HAUS5: variants seen among roughly 807,000 people sequenced by gnomAD.
HAUS5 encodes HAUS augmin-like complex subunit 5.
A neutral mutation model predicts 94.1 loss-of-function variants in HAUS5; 67 were observed. The ratio of observed to expected loss-of-function variants is 0.71; its 90% CI spans 0.58 to 0.87. HAUS5 has a LOEUF of 0.87. Ranked by LOEUF, HAUS5 falls within the 40% of genes least tolerant of loss-of-function variation. The pLI is 0.00. For synonymous variants in HAUS5, 339 were observed against 355.4 expected, an observed-to-expected ratio of 0.95 and a Z score of 0.52; for missense variants, 739 against 825.6, an observed-to-expected ratio of 0.90 and a Z score of 1.29.
At chr19:35,613,450 T>C (rs2071912569) in intron 1 of HAUS5, among the ~76,000 whole-genome samples, 1 of 151,544 alleles carries the variant, frequency 6.6e-6, no homozygotes, top group East Asian at 1.9e-4. Context: ...CCGGGTGTAG[T>C]GGTGCCTGCC....
chr19:35,615,999 T>C lies in HAUS5; in HGVS notation c.485+613T>C, dbSNP rs549902494. Among the ~76,000 whole-genome samples the C allele has an allele frequency of 7.3e-4, 111 of 152,320 alleles. No individual in the cohort carries two copies. The Middle Eastern group carries it at 0.02, about 28-fold the overall frequency. On this transcript the variant is annotated intron_variant, in intron 6 of 18. Transcript: ENST00000203166. ...GCGATTTTACCCTGACACTGGTTCA[T>C]GCCCTGGCTTGGCCACTTAAAATTG... is the stretch of plus-strand genomic sequence containing the variant.
At chr19:35,622,114 G>A (rs1967217336) in intron 17 of HAUS5, among the ~76,000 whole-genome samples, 1 of 152,178 alleles carries the variant, frequency 6.6e-6, no homozygotes, top group Non-Finnish European at 1.5e-5. Context: ...TCAAATACCT[G>A]CTGAAGGGCT....
In HAUS5 at chr19:35,620,057, C is replaced by T. The variant is rs761265797; in HGVS notation, c.1452C>T (p.His484=). Residue 484 remains histidine (H), a synonymous_variant, in exon 16 of 19, where the codon CAC becomes CAT. Coordinates refer to ENST00000203166, the MANE Select transcript of HAUS5 (RefSeq NM_015302.2). ...PTVLPSIHQL[H]PASPRGSSFI... ...TCCTCCCATCCATCCACCAGCTGCA[C>T]CCCGCGTCCCCAAGGGGCTCCAGCT... The T allele has an allele frequency of 3.7e-6, 6 of 1,613,642 alleles. No individual in the cohort carries two copies. The South Asian group carries it at 5.5e-5, about 15-fold the overall frequency.
chr19:35,621,523 T>C (rs746158035), intron 17 of HAUS5, among the ~76,000 whole-genome samples: 4 of 152,148 alleles, frequency 2.6e-5, no homozygotes, highest in Non-Finnish European at 5.9e-5. Context: ...ATATTTCTTA[T>C]AATCATGGGC....
rs1160606084 is a variant in HAUS5, at chr19:35,622,971, C to G, written c.1880C>G (p.Ala627Gly). The G allele has an allele frequency of 6.2e-7, 1 of 1,611,088 alleles. No homozygotes were observed. The highest frequency in any genetic ancestry group is 8.5e-7 in the Non-Finnish European group (1 of 1,178,120). Reference sequence around the variant, plus strand: ...CTGCGCTGGGTTCAGGCCCAGGGGGCCCTGCAGAAGCTGTGCAGCTGAAGA... The same window carrying G: ...CTGCGCTGGGTTCAGGCCCAGGGGGGCCTGCAGAAGCTGTGCAGCTGAAGA... ...WRLRWVQAQG[A>G]LQKLCS The change falls in exon 19 of 19, where the codon GCC becomes GGC. Residue 627 changes from alanine (A) to glycine (G), a missense_variant. Ala to Gly is a moderately conservative substitution (Grantham distance 60). Coordinates refer to ENST00000203166, the MANE Select transcript of HAUS5 (RefSeq NM_015302.2).
At chr19:35,620,157 G>T (rs1209434683) in intron 16 of HAUS5, 34 bp downstream of exon 16, 1 of 1,611,344 alleles carries the variant, frequency 6.2e-7, no homozygotes, top group Admixed American at 1.7e-5. Context: ...TGTCTCCCCA[G>T]CCCCGCCCCA....
At chr19:35,616,655 T>A (rs1011616067) in intron 6 of HAUS5, among the ~76,000 whole-genome samples, 2 of 152,070 alleles carry the variant, frequency 1.3e-5, no homozygotes, top group Non-Finnish European at 2.9e-5. Context: ...GTAGCTGGGA[T>A]TATAGGCGCA....
Position 35,618,069 on chromosome 19 carries a change from A to T in HAUS5, c.697-2A>T. On this transcript the variant is annotated splice_acceptor_variant, in intron 9 of 18. Transcript: ENST00000203166. LOFTEE classifies it high-confidence loss of function. ...CCCTGACTTCACCCTCCCTCCCCCTAGACGCTGCTGACAAACCACCCCCCA... is the reference window on the plus strand; with the variant it reads ...CCCTGACTTCACCCTCCCTCCCCCTTGACGCTGCTGACAAACCACCCCCCA... The T allele has an allele frequency of 6.3e-7, 1 of 1,589,818 alleles. No individual in the cohort carries two copies.
At position 35,618,389 on chromosome 19, in the gene HAUS5, T is replaced by TCC; in HGVS notation, c.822-9_822-8dup. 5.0e-6 allele frequency: 8 copies of TCC among 1,602,572 alleles called. No individual in the cohort carries two copies. The highest frequency in any genetic ancestry group is 6.8e-6 in the Non-Finnish European group (8 of 1,171,876). On this transcript the variant is annotated splice_polypyrimidine_tract_variant and intron_variant, in intron 10 of 18. Coordinates refer to ENST00000203166, the MANE Select transcript of HAUS5 (RefSeq NM_015302.2). ...GCAGCACGGCTCCCTCAGCAGCTCT[T>TCC]CCCCCACCCCAGACCCCAGGCCCCG...
Position 35,622,582 on chromosome 19 carries a change from C to T in HAUS5, c.1652-19C>T. 2 of 1,611,654 alleles carry T rather than the reference C, an allele frequency of 1.2e-6. No homozygotes were observed. The highest frequency in any genetic ancestry group is 1.3e-5 in the African/African-American group (1 of 74,800). ...GAGCCAGAGGACTCAAAGCTGCCTCCTGGCTTTCTCACCCTCAGAGCTGCT... is the reference window on the plus strand; with the variant it reads ...GAGCCAGAGGACTCAAAGCTGCCTCTTGGCTTTCTCACCCTCAGAGCTGCT... On this transcript the variant is annotated intron_variant, in intron 17 of 18. Transcript: ENST00000203166.
At chr19:35,619,586 C>A in intron 14 of HAUS5, 27 bp from the exon 15 acceptor site, 6 of 1,361,542 alleles carry the variant, frequency 4.4e-6, no homozygotes, top group South Asian at 1.2e-5. Flanking sequence ...GTTGTGATGC[C>A]CCACCCACCC....
At chr19:35,613,609 C>A in intron 1 of HAUS5, 121 bp from the exon 2 acceptor site, 2 of 779,448 alleles carry the variant, frequency 2.6e-6, no homozygotes, top group Non-Finnish European at 4.1e-6. Context: ...AAAGTTTGGG[C>A]CTTCCCTCCT....
chr19:35,618,928 C>G lies in HAUS5; in HGVS notation c.1058C>G (p.Thr353Arg), dbSNP rs774943741. 1.9e-6 allele frequency: 3 copies of G among 1,612,734 alleles called. No individual in the cohort carries two copies. Among genetic ancestry groups the G allele is most frequent in the Admixed American group, 1.7e-5 (1 of 59,606 alleles). Residue 353 changes from threonine to arginine, a missense_variant, in exon 13 of 19, where the codon ACG (threonine) becomes AGG (arginine). Coordinates refer to ENST00000203166, the MANE Select transcript of HAUS5 (RefSeq NM_015302.2). ...ILGLRRCCLW[T>R]ELKALHDQSQ... ...GGGCTTCGGCGCTGTTGCCTGTGGA[C>G]GGAGCTCAAGGCCCTGCACGATCAG...
rs944901230 is a variant in HAUS5 at position 35,624,483 on chromosome 19, T to C, written c.*1490T>C. On this transcript the variant is annotated 3_prime_UTR_variant, in exon 19 of 19. Coordinates refer to ENST00000203166, the MANE Select transcript of HAUS5 (RefSeq NM_015302.2). ...CTTTCTTTCTTTTTTTGAGACAGAA[T>C]CTGGCTGTTTCCCAGGCTGAAGTGC... The C allele has an allele frequency of 6.6e-6, 1 of 151,848 alleles. No homozygotes were observed. Among genetic ancestry groups the C allele is most frequent in the Non-Finnish European group, 1.5e-5 (1 of 68,050 alleles). The allele number at this position is 151,848 out of a possible 1,614,324, so 9.4% of individuals were successfully genotyped here. A position where few individuals can be genotyped will look rare whatever the true frequency, so the allele number is the denominator to read the frequency against.
intron 17 of HAUS5, 75 bp from the exon 18 acceptor site, chr19:35,622,525 GA>G: frequency 6.7e-7 from 1 of 1,486,932 alleles, no homozygotes; most frequent in Admixed American, 1.9e-5. Flanking sequence ...GGGGACTGGA[GA>G]ATTGGGGACT....
In HAUS5 at chr19:35,617,139, T is replaced by C; in HGVS notation, c.501T>C (p.Asp167=). 6.2e-7 allele frequency: 1 copy of C among 1,613,786 alleles called. No homozygotes were observed. The change falls in exon 7 of 19, where the codon GAT becomes GAC. Residue 167 remains aspartate (D), a synonymous_variant. Coordinates refer to ENST00000203166, the MANE Select transcript of HAUS5 (RefSeq NM_015302.2). ...LQDMERKAKV[D]VTFGSLTSAA... is the part of the protein sequence containing the mutation. ...CTCCCTCCAGGAAAGCCAAAGTAGA[T>C]GTGACCTTTGGATCCCTCACGTCGG...
chr19:35,617,821 G>T lies in HAUS5; in HGVS notation c.639-34G>T. 1.9e-6 allele frequency: 3 copies of T among 1,597,166 alleles called. No homozygotes were observed. The Middle Eastern group carries it at 5.0e-4, about 265-fold the overall frequency. On this transcript the variant is annotated intron_variant, in intron 8 of 18. Coordinates refer to ENST00000203166, the MANE Select transcript of HAUS5 (RefSeq NM_015302.2). ...AACTAGAGGATAATTGACGTGTCTT[G>T]TAACGTTCTCTGTCCGCTTACCCAA...
intron 4 of HAUS5, 85 bp from the exon 5 acceptor site, chr19:35,614,957 A>G (rs2146334752): frequency 1.1e-6 from 1 of 940,852 alleles, no homozygotes; most frequent in African/African-American, 1.7e-5. Context: ...ACCCTCTGCC[A>G]CCAGTTGAGG....
chr19:35,619,585 C>CCCCCCCCCCCCCCCCCCCAAA, intron 14 of HAUS5, 28 bp from the exon 15 acceptor site: 1 of 1,455,210 alleles, frequency 6.9e-7, no homozygotes, highest in Non-Finnish European at 9.5e-7. Flanking sequence ...TGTTGTGATG[C>CCCCCCCCCCCCCCCCCCCAAA]CCCACCCACC....
Sources: allele counts gnomAD v4.1 joint callset (sites outside exome capture counted in the v4.1 genomes callset), GRCh38; gene constraint gnomAD v4.1.1; transcripts MANE v1.5; gene names NCBI Gene and HGNC (gene_info 2026-07-23, HGNC 2026-07-21).